Variants in FHIT observed in about 807,000 individuals in gnomAD.
FHIT encodes the protein bis(5'-adenosyl)-triphosphatase.
Under a neutral mutation model 17.9 loss-of-function variants are expected in FHIT, and 19 were observed. That is an observed-to-expected ratio of 1.06 (90% CI 0.74 to 1.56). The LOEUF (loss-of-function observed/expected upper bound fraction) is 1.56. Ranked by LOEUF, FHIT falls within the 40% of genes most tolerant of loss-of-function variation. FHIT has a pLI of 0.00. For missense variants in FHIT, 248 were observed against 189.2 expected (o/e 1.31, Z -1.82); for synonymous variants, 81 against 69.7 (o/e 1.16, Z -0.81).
intron 5 of FHIT, among the ~76,000 whole-genome samples, chr3:60,123,140 G>A (rs1353910235): frequency 2.6e-5 from 4 of 152,286 alleles, no homozygotes; most frequent in Middle Eastern, 3.4e-3. Context: ...GAAAGCCAGT[G>A]AGAGAAAATA....
At chr3:60,054,570 A>T (rs578130097) in intron 5 of FHIT, among the ~76,000 whole-genome samples, 2 of 152,310 alleles carry the variant, frequency 1.3e-5, no homozygotes, top group East Asian at 3.9e-4. Flanking sequence ...AAGTTCTTTC[A>T]GCCTCTTAAC....
intron 5 of FHIT, among the ~76,000 whole-genome samples, chr3:60,488,698 G>A (rs753322841): frequency 6.6e-6 from 1 of 152,080 alleles, no homozygotes; most frequent in Non-Finnish European, 1.5e-5. Flanking sequence ...ATGTTGCCTA[G>A]TATACATAAA....
intron 1 of FHIT, among the ~76,000 whole-genome samples, chr3:61,220,913 G>C (rs560015877): frequency 6.6e-6 from 1 of 152,084 alleles, no homozygotes; most frequent in Admixed American, 6.6e-5. Context: ...CACACAACAC[G>C]ACATGCCCTT....
intron 4 of FHIT, among the ~76,000 whole-genome samples, chr3:60,620,664 T>C (rs150258930): frequency 1.2e-3 from 181 of 150,836 alleles, no homozygotes; most frequent in African/African-American, 4.1e-3. Context: ...GAAAGAGGGA[T>C]GGCTAGATAG....
At position 60,536,693 on chromosome 3, in the gene FHIT, A is replaced by G. The variant is rs1037264312; in HGVS notation, c.103+167T>C. 5.0e-5 allele frequency: 31 copies of G among 615,912 alleles called. No individual in the cohort carries two copies. The Admixed American group carries it at 9.3e-4, about 18-fold the overall frequency. The allele number at this position is 615,912 out of a possible 1,614,324, so 38.2% of individuals were successfully genotyped here. A position where few individuals can be genotyped will look rare whatever the true frequency, so the allele number is the denominator to read the frequency against. Reference sequence around the variant, plus strand: ...ACTGGTGCCACCAACTGGATTCAGAATAAATATGAGTAACATCTTACCTGG... The same window carrying G: ...ACTGGTGCCACCAACTGGATTCAGAGTAAATATGAGTAACATCTTACCTGG... On this transcript the variant is annotated intron_variant, in intron 5 of 9. Transcript: ENST00000492590.
At chr3:59,988,141 G>A (rs565619395) in intron 7 of FHIT, among the ~76,000 whole-genome samples, 1 of 152,222 alleles carries the variant, frequency 6.6e-6, no homozygotes, top group East Asian at 1.9e-4. Flanking sequence ...AAGCAACAGA[G>A]AATGAGAAAT....
At chr3:59,847,879 T>C (rs560044486) in intron 8 of FHIT, among the ~76,000 whole-genome samples, 8 of 152,234 alleles carry the variant, frequency 5.3e-5, no homozygotes, top group South Asian at 4.1e-4. Flanking sequence ...CTCCCACATA[T>C]GTAGTTGCTT....
intron 3 of FHIT, among the ~76,000 whole-genome samples, chr3:60,876,309 G>C (rs1559793964): frequency 6.6e-6 from 1 of 152,124 alleles, no homozygotes; most frequent in Non-Finnish European, 1.5e-5. Flanking sequence ...TCATATTTAA[G>C]AATCTGACAG....
intron 5 of FHIT, among the ~76,000 whole-genome samples, chr3:60,251,065 A>G (rs1437397980): frequency 6.6e-6 from 1 of 152,192 alleles, no homozygotes; most frequent in African/African-American, 2.4e-5. Flanking sequence ...GTTTTCACAT[A>G]TGCTTCCCCC....
chr3:59,868,056 A>AAAAAC (rs1559680432), intron 8 of FHIT, among the ~76,000 whole-genome samples: 1 of 151,216 alleles, frequency 6.6e-6, no homozygotes, highest in African/African-American at 2.4e-5. Context: ...TTAAAAAAAA[A>AAAAAC]AAAAAAAAAA....
chr3:60,930,991 T>C (rs1707920809), intron 3 of FHIT, among the ~76,000 whole-genome samples: 2 of 152,150 alleles, frequency 1.3e-5, no homozygotes, highest in South Asian at 2.1e-4. Context: ...TAGACTGGAT[T>C]AAGAAAATGT....
intron 8 of FHIT, among the ~76,000 whole-genome samples, chr3:59,918,156 TCTC>T (rs890991138): frequency 6.6e-6 from 1 of 152,158 alleles, no homozygotes; most frequent in African/African-American, 2.4e-5. Context: ...CAATATATAG[TCTC>T]CTTTTAAATT....
At chr3:60,118,230 C>CTT (rs988979414) in intron 5 of FHIT, among the ~76,000 whole-genome samples, 7 of 151,830 alleles carry the variant, frequency 4.6e-5, no homozygotes, top group Non-Finnish European at 8.8e-5. Flanking sequence ...CTTCAGCCTC[C>CTT]TGAGTAGCTA....
At chr3:60,314,300 A>C (rs1365989986) in intron 5 of FHIT, among the ~76,000 whole-genome samples, 1 of 152,198 alleles carries the variant, frequency 6.6e-6, no homozygotes, top group Non-Finnish European at 1.5e-5. Flanking sequence ...TTCATTACCC[A>C]TAAATCAAAA....
chr3:60,086,990 T>C (rs575601982), intron 5 of FHIT, among the ~76,000 whole-genome samples: 2 of 152,324 alleles, frequency 1.3e-5, no homozygotes, highest in South Asian at 2.1e-4. Context: ...CTTTCAGAGA[T>C]CTATGAGTCA....
At chr3:60,776,450 A>C (rs1391980990) in intron 4 of FHIT, among the ~76,000 whole-genome samples, 4 of 152,230 alleles carry the variant, frequency 2.6e-5, no homozygotes, top group Non-Finnish European at 2.9e-5. Context: ...ACAGTCTTAA[A>C]AACTATTGGT....
At chr3:61,054,578 G>C (rs2034147658) in intron 2 of FHIT, among the ~76,000 whole-genome samples, 1 of 152,124 alleles carries the variant, frequency 6.6e-6, no homozygotes, top group Non-Finnish European at 1.5e-5. Context: ...TGTGACTCAT[G>C]GTTTTCAGAT....
At chr3:60,534,965 T>C (rs774953591) in intron 5 of FHIT, among the ~76,000 whole-genome samples, 34 of 152,356 alleles carry the variant, frequency 2.2e-4, no homozygotes, top group Non-Finnish European at 1.6e-4. Context: ...AATATCAAAT[T>C]ACTCTCAAGA....
At chr3:60,027,121 A>ACC in intron 5 of FHIT, among the ~76,000 whole-genome samples, 1 of 129,270 alleles carries the variant, frequency 7.7e-6, no homozygotes. Context: ...ACACACACAC[A>ACC]CACACACACA....
Sources: gnomAD v4.1 joint callset for allele counts (sites outside exome capture counted in the v4.1 genomes callset) on GRCh38, gnomAD v4.1.1 for gene constraint, MANE v1.5 for transcripts, NCBI Gene and HGNC (gene_info 2026-07-23, HGNC 2026-07-21) for gene names.